The following QSOX1 variants were observed in gnomAD, a reference collection of about 807,000 sequenced individuals.
QSOX1 encodes quiescin sulfhydryl oxidase 1.
Under a neutral mutation model 76.1 loss-of-function variants are expected in QSOX1, and 40 were observed. The ratio of observed to expected loss-of-function variants is 0.53; its 90% CI spans 0.41 to 0.68. The LOEUF is 0.68. Ranked by LOEUF, QSOX1 falls within the 30% of genes least tolerant of loss-of-function variation. The probability of loss-of-function intolerance (pLI) is 0.00; values close to 1 mark genes in which losing one functional copy is unlikely to be tolerated. For synonymous variants in QSOX1, 392 were observed against 413.1 expected (o/e 0.95, Z 0.62); for missense variants, 931 against 974.3 (o/e 0.96, Z 0.59).
intron 4 of QSOX1, among the ~76,000 whole-genome samples, chr1:180,176,652 A>G (rs1662902401): frequency 6.6e-6 from 1 of 152,194 alleles, no homozygotes; most frequent in Non-Finnish European, 1.5e-5. Context: ...TCTTGCCCAT[A>G]CTTTCCCAAA....
chr1:180,197,207 G>C lies in QSOX1; in HGVS notation c.*170G>C. The stretch of plus-strand genomic sequence containing the variant: ...CTTCTTGGGGTTGCTAGGACAGAGA[G>C]CTCCTTTGACACAAAAGACAGGAGC... On this transcript the variant is annotated 3_prime_UTR_variant, in exon 12 of 12. Coordinates refer to ENST00000367602, the MANE Select transcript of QSOX1 (RefSeq NM_002826.5). The C allele has an allele frequency of 6.4e-7, 1 of 1,559,570 alleles. No individual in the cohort carries two copies. The highest frequency in any genetic ancestry group is 1.2e-5 in the South Asian group (1 of 84,038).
intron 10 of QSOX1, among the ~76,000 whole-genome samples, chr1:180,193,835 G>C (rs1663386813): frequency 6.6e-6 from 1 of 152,130 alleles, no homozygotes; most frequent in Admixed American, 6.5e-5. Flanking sequence ...GAGTGGGCAG[G>C]GGAGGAAGGG....
intron 1 of QSOX1, among the ~76,000 whole-genome samples, chr1:180,159,416 T>C (rs916511194): frequency 6.6e-6 from 1 of 152,178 alleles, no homozygotes; most frequent in African/African-American, 2.4e-5. Context: ...ATAAGGACCT[T>C]CTCTATTCCA....
intron 3 of QSOX1, 86 bp downstream of exon 3, chr1:180,175,452 C>T: frequency 6.9e-7 from 1 of 1,449,744 alleles, no homozygotes; most frequent in Non-Finnish European, 9.7e-7. Context: ...GTGGAGAAAG[C>T]CCTGGCAGTC....
Position 180,166,599 on chromosome 1 carries a change from A to G in QSOX1, c.366+8A>G. The G allele has an allele frequency of 6.2e-7, 1 of 1,611,942 alleles. No individual in the cohort carries two copies. On this transcript the variant is annotated splice_region_variant and intron_variant, in intron 2 of 11. Coordinates refer to ENST00000367602, the MANE Select transcript of QSOX1 (RefSeq NM_002826.5). The stretch of plus-strand genomic sequence containing the variant: ...GGCTTCCCGACTGTGAGGGTGTGTG[A>G]CTGACAGGAGGGGAAGGCAGGCTGG...
Position 180,163,530 on chromosome 1 carries a change from A to G in QSOX1, c.266-2961A>G, listed in dbSNP as rs12022994. On this transcript the variant is annotated intron_variant, in intron 1 of 11. Transcript: ENST00000367602. Reference sequence around the variant, plus strand: ...TAGAAACATGTTTCCTCAGCTTTTCATGCTTATTACAGACCCAATTATATT... The same window carrying G: ...TAGAAACATGTTTCCTCAGCTTTTCGTGCTTATTACAGACCCAATTATATT... Among the ~76,000 whole-genome samples, 3,351 of 152,298 alleles carry G rather than the reference A, an allele frequency of 0.022. 190 individuals carry two copies. In the East Asian group the frequency reaches 0.23, roughly 11 times the overall value.
chr1:180,188,123 G>A (rs530578019), intron 8 of QSOX1, among the ~76,000 whole-genome samples: 1 of 152,318 alleles, frequency 6.6e-6, no homozygotes, highest in African/African-American at 2.4e-5. Context: ...CAGCTAGTGA[G>A]GGGCTGGGCA....
At chr1:180,179,397 G>T (rs547390357) in intron 5 of QSOX1, among the ~76,000 whole-genome samples, 1 of 152,338 alleles carries the variant, frequency 6.6e-6, no homozygotes, top group South Asian at 2.1e-4. Flanking sequence ...CTCATGTGGG[G>T]CATCCGTGAG....
chr1:180,165,068 C>T (rs1265699860), intron 1 of QSOX1, among the ~76,000 whole-genome samples: 1 of 152,222 alleles, frequency 6.6e-6, no homozygotes, highest in African/African-American at 2.4e-5. Context: ...ACTACCTAAT[C>T]TAATACCTTT....
intron 2 of QSOX1, among the ~76,000 whole-genome samples, chr1:180,168,072 C>T (rs147626874): frequency 4.3e-4 from 66 of 152,366 alleles, no homozygotes; most frequent in African/African-American, 1.5e-3. Flanking sequence ...GCAAGACAAC[C>T]GATTGGAGTT....
intron 1 of QSOX1, among the ~76,000 whole-genome samples, chr1:180,166,192 A>G (rs931992045): frequency 8.5e-5 from 13 of 152,156 alleles, no homozygotes; most frequent in Admixed American, 6.5e-5. Flanking sequence ...AACTCCTTCA[A>G]CATCTCTCAG....
At chr1:180,190,687 C>T in intron 10 of QSOX1, 107 bp downstream of exon 10, 1 of 1,363,364 alleles carries the variant, frequency 7.3e-7, no homozygotes, top group Admixed American at 2.2e-5. Context: ...CACTGGCTCC[C>T]AGCTGCCAGA....
intron 8 of QSOX1, among the ~76,000 whole-genome samples, chr1:180,187,610 C>T (rs566010611): frequency 6.6e-6 from 1 of 152,342 alleles, no homozygotes; most frequent in South Asian, 2.1e-4. Context: ...TGTTTGCAGC[C>T]GGTATGGGGG....
At position 180,184,494 on chromosome 1, in the gene QSOX1, C is replaced by CTACAGTA. The variant is rs2149239376; in HGVS notation, c.887+449_887+450insTATACAG. 2.0e-5 allele frequency among the ~76,000 whole-genome samples: 3 copies of CTACAGTA among 151,528 alleles called. No individual in the cohort carries two copies. The East Asian group carries it at 5.8e-4, about 29-fold the overall frequency. On this transcript the variant is annotated intron_variant, in intron 7 of 11. Transcript: ENST00000367602. ...GATGCATTCTCTGCTTGTGCAGACC[C>CTACAGTA]TACAGCATCCCTTCTAGGAAGGCAC...
chr1:180,178,754 G>A, intron 4 of QSOX1, 40 bp from the exon 5 acceptor site: 1 of 1,576,666 alleles, frequency 6.3e-7, no homozygotes, highest in South Asian at 1.1e-5. Context: ...TCTTATTTCT[G>A]CTGGCTGTGC....
chr1:180,168,384 C>A (rs560548794), intron 2 of QSOX1, among the ~76,000 whole-genome samples: 6 of 148,924 alleles, frequency 4.0e-5, no homozygotes, highest in South Asian at 2.1e-4. Context: ...GGTGGCCTCC[C>A]CCGGCAAAGC....
chr1:180,165,811 G>T (rs1032370093), intron 1 of QSOX1, among the ~76,000 whole-genome samples: 1 of 152,252 alleles, frequency 6.6e-6, no homozygotes, highest in African/African-American at 2.4e-5. Flanking sequence ...CTGGGCTGTG[G>T]CCCAGAATGG....
At chr1:180,185,915 A>G (rs963705805) in intron 7 of QSOX1, 138 bp from the exon 8 acceptor site, 3 of 1,047,646 alleles carry the variant, frequency 2.9e-6, no homozygotes, top group African/African-American at 1.6e-5. Flanking sequence ...TTCTGGCAGA[A>G]GCCAGTGGTA....
intron 1 of QSOX1, among the ~76,000 whole-genome samples, chr1:180,165,185 G>T (rs749801492): frequency 2.0e-5 from 3 of 152,216 alleles, no homozygotes; most frequent in Non-Finnish European, 4.4e-5. Context: ...GTGACTATCA[G>T]GGATGTTATT....
Sources: gnomAD v4.1 joint callset for allele counts (sites outside exome capture counted in the v4.1 genomes callset) on GRCh38, gnomAD v4.1.1 for gene constraint, MANE v1.5 for transcripts, NCBI Gene and HGNC (gene_info 2026-07-23, HGNC 2026-07-21) for gene names.